XKR6: variants seen among roughly 807,000 people sequenced by gnomAD.
The protein encoded by XKR6 is XK related 6.
In XKR6, 22 loss-of-function variants were observed where a neutral mutation model predicts 56.7. The ratio of observed to expected loss-of-function variants is 0.39; its 90% CI spans 0.28 to 0.55. The LOEUF (loss-of-function observed/expected upper bound fraction) is 0.55. Ranked by LOEUF, XKR6 falls within the 20% of genes least tolerant of loss-of-function variation. XKR6 has a pLI of 0.66. For synonymous variants in XKR6, 524 were observed against 387.8 expected (o/e 1.35, Z -4.13); for missense variants, 852 against 889.0 (o/e 0.96, Z 0.53).
Position 10,896,433 on chromosome 8 carries a change from C to T in XKR6, c.*1519G>A, listed in dbSNP as rs1367878636. The T allele has an allele frequency of 2.0e-5, 3 of 152,658 alleles. No individual in the cohort carries two copies. The highest frequency in any genetic ancestry group is 7.2e-5 in the African/African-American group (3 of 41,514). 9.5% of individuals were successfully genotyped at this position (152,658 alleles called of 1,614,324 possible). On this transcript the variant is annotated 3_prime_UTR_variant, in exon 3 of 3. Coordinates refer to ENST00000416569, the MANE Select transcript of XKR6 (RefSeq NM_173683.4). ...CATCACTTCCCCACCACTCCAGAGC[C>T]CCCGCCCCCATGCTCTGCTGAACCA...
At chr8:11,164,104 AC>A (rs778729721) in intron 1 of XKR6, among the ~76,000 whole-genome samples, 1 of 152,182 alleles carries the variant, frequency 6.6e-6, no homozygotes, top group Non-Finnish European at 1.5e-5. Flanking sequence ...GGCCAGCACT[AC>A]TTCCTACCCA....
At chr8:11,077,435 C>G (rs1800303070) in intron 1 of XKR6, among the ~76,000 whole-genome samples, 1 of 152,124 alleles carries the variant, frequency 6.6e-6, no homozygotes, top group Non-Finnish European at 1.5e-5. Flanking sequence ...GAGTCTCAAG[C>G]ACTTTGAGTA....
intron 1 of XKR6, chr8:11,106,488 G>A (rs1343981397): frequency 1.3e-5 from 2 of 152,276 alleles, no homozygotes; most frequent in African/African-American, 4.8e-5. Context: ...ACCCAGGAGA[G>A]GGCCTGGCAT....
At chr8:10,963,023 G>C (rs1403855135) in intron 1 of XKR6, among the ~76,000 whole-genome samples, 1 of 152,130 alleles carries the variant, frequency 6.6e-6, no homozygotes, top group Non-Finnish European at 1.5e-5. Flanking sequence ...GATCATTTCT[G>C]GTTCCCTGGC....
chr8:10,904,063 C>T (rs112650885), intron 2 of XKR6, among the ~76,000 whole-genome samples: 5 of 152,314 alleles, frequency 3.3e-5, no homozygotes, highest in East Asian at 1.9e-4. Flanking sequence ...GCAGCCTCCA[C>T]GGTTCCCTTC....
chr8:11,111,599 A>G (rs1798896109), intron 1 of XKR6: 1 of 152,222 alleles, frequency 6.6e-6, no homozygotes, highest in Non-Finnish European at 1.5e-5. Flanking sequence ...GAGGAATTAC[A>G]GAAACTTCCT....
At chr8:10,979,775 G>A (rs1056439277) in intron 1 of XKR6, among the ~76,000 whole-genome samples, 1 of 152,198 alleles carries the variant, frequency 6.6e-6, no homozygotes, top group African/African-American at 2.4e-5. Flanking sequence ...TTTTCTCTCA[G>A]CTCTGAGTGA....
chr8:10,898,163 G>T lies in XKR6; in HGVS notation c.1715C>A (p.Thr572Asn), dbSNP rs1206811302. Residue 572 changes from threonine to asparagine, a missense_variant, in exon 3 of 3, where the codon ACC becomes AAC. By Grantham distance (65) the Thr-to-Asn change is moderately conservative. Coordinates refer to ENST00000416569, the MANE Select transcript of XKR6 (RefSeq NM_173683.4). The surrounding 1 kb of genome is among the most constrained non-coding windows in gnomAD (Gnocchi z 6.6). ...TGGGAGGTAAGGACGCCCCAACGGG[G>T]TAGGGGGCCCCATGGGTCTCACTTG... Reference protein sequence around the residue: ...VFQVRPMGPPTPLGRPYLPEG... With the variant: ...VFQVRPMGPPNPLGRPYLPEG... The T allele has an allele frequency of 6.2e-7, 1 of 1,613,984 alleles. No homozygotes were observed. Among genetic ancestry groups the T allele is most frequent in the African/African-American group, 1.3e-5 (1 of 74,932 alleles).
chr8:11,067,512 T>C (rs542067216), intron 1 of XKR6, among the ~76,000 whole-genome samples: 9 of 152,370 alleles, frequency 5.9e-5, no homozygotes, highest in Admixed American at 1.3e-4. Flanking sequence ...TTGGTGGTTA[T>C]TGACTATGTC....
Position 10,928,176 on chromosome 8 carries a change from G to A in XKR6, c.765-3346C>T, listed in dbSNP as rs147075668. On this transcript the variant is annotated intron_variant, in intron 1 of 2. Coordinates refer to ENST00000416569, the MANE Select transcript of XKR6 (RefSeq NM_173683.4). ...AGGTGCCAGAACGCAAGCCACTGCC[G>A]CCTCAGTCACTCAGTGCTGTGGGGC... Among the ~76,000 whole-genome samples, 68 of 152,270 alleles carry A rather than the reference G, an allele frequency of 4.5e-4. No homozygotes were observed. In the East Asian group the frequency reaches 0.012, roughly 28 times the overall value.
At chr8:10,965,167 C>T (rs1160727298) in intron 1 of XKR6, among the ~76,000 whole-genome samples, 3 of 152,262 alleles carry the variant, frequency 2.0e-5, no homozygotes, top group Non-Finnish European at 2.9e-5. Flanking sequence ...CCCCTGGGTC[C>T]TGTGGACACA....
intron 1 of XKR6, among the ~76,000 whole-genome samples, chr8:11,071,778 G>A (rs898852306): frequency 6.6e-6 from 1 of 152,186 alleles, no homozygotes; most frequent in African/African-American, 2.4e-5. Context: ...GTCAGGCTGG[G>A]ACCCAAGAAG....
intron 1 of XKR6, among the ~76,000 whole-genome samples, chr8:10,942,105 C>G (rs1801401223): frequency 1.3e-5 from 2 of 152,150 alleles, no homozygotes; most frequent in South Asian, 2.1e-4. Flanking sequence ...GGTGCACTAT[C>G]TCACACATAC....
intron 1 of XKR6, among the ~76,000 whole-genome samples, chr8:10,949,488 C>T (rs912131006): frequency 1.3e-5 from 2 of 152,156 alleles, no homozygotes; most frequent in African/African-American, 4.8e-5. Context: ...TGAGCTCTCG[C>T]TCTGTAGCCA....
chr8:11,191,714 AAAAC>A (rs1429170933), intron 1 of XKR6, among the ~76,000 whole-genome samples: 3 of 152,102 alleles, frequency 2.0e-5, no homozygotes, highest in Non-Finnish European at 4.4e-5. Flanking sequence ...AAAAAAAAAA[AAAAC>A]AGAGAGGGAC....
chr8:10,899,812 C>G (rs988226949), intron 2 of XKR6, among the ~76,000 whole-genome samples: 8 of 152,154 alleles, frequency 5.3e-5, no homozygotes, highest in Admixed American at 1.3e-4. Flanking sequence ...TTTGAGTGTG[C>G]CTAATCCCAA....
At chr8:10,921,862 G>C (rs912924296) in intron 2 of XKR6, among the ~76,000 whole-genome samples, 2 of 152,230 alleles carry the variant, frequency 1.3e-5, no homozygotes, top group African/African-American at 4.8e-5. Flanking sequence ...GTCTGCTATG[G>C]TTTGAAGGTG....
intron 1 of XKR6, among the ~76,000 whole-genome samples, chr8:11,140,130 A>T (rs533421951): frequency 4.8e-5 from 7 of 147,240 alleles, no homozygotes; most frequent in Non-Finnish European, 9.0e-5. Context: ...TTTTTTAATT[A>T]AAAAAAAAAA....
chr8:10,912,474 G>A lies in XKR6; in HGVS notation c.961+12160C>T, dbSNP rs1034559985. ...ATATATATATATATATATAGAGAGA[G>A]AGAGAGAGAGAGAGACAGGGTGTGT... On this transcript the variant is annotated intron_variant, in intron 2 of 2. Coordinates refer to ENST00000416569, the MANE Select transcript of XKR6 (RefSeq NM_173683.4). Among the ~76,000 whole-genome samples, 62 of 143,116 alleles carry A rather than the reference G, an allele frequency of 4.3e-4. 1 individual carries two copies. The highest frequency in any genetic ancestry group is 1.6e-3 in the African/African-American group (61 of 38,726). The allele number at this position is 143,116 out of a possible 152,430, so 93.9% of individuals were successfully genotyped here. A position where few individuals can be genotyped will look rare whatever the true frequency, so the allele number is the denominator to read the frequency against.
Sources: gnomAD v4.1 joint callset for allele counts (sites outside exome capture counted in the v4.1 genomes callset) on GRCh38, gnomAD v4.1.1 for gene constraint, Gnocchi (gnomAD v3.1) non-coding constraint, MANE v1.5 for transcripts, NCBI Gene and HGNC (gene_info 2026-07-23, HGNC 2026-07-21) for gene names.